The following GRID2 variants were observed in gnomAD, a reference collection of about 807,000 sequenced individuals.
GRID2 encodes the protein glutamate ionotropic receptor delta type subunit 2, also known as glutamate receptor ionotropic, delta-2.
GRID2 carries 33 observed loss-of-function variants against 114.8 expected under a neutral mutation model. The ratio of observed to expected loss-of-function variants is 0.29; its 90% CI spans 0.22 to 0.38. The LOEUF (loss-of-function observed/expected upper bound fraction) is 0.38. Among genes scored for constraint, GRID2 ranks in the 10% least tolerant of loss-of-function variants. The pLI is 1.00. For missense variants in GRID2, 1,184 were observed against 1,257.7 expected, an observed-to-expected ratio of 0.94 and a Z score of 0.89; for synonymous variants, 505 against 449.9, an observed-to-expected ratio of 1.12 and a Z score of -1.55.
intron 10 of GRID2, among the ~76,000 whole-genome samples, chr4:93,429,146 G>T (rs965003892): frequency 1.8e-4 from 27 of 152,250 alleles, no homozygotes; most frequent in Middle Eastern, 6.8e-3. Flanking sequence ...AAAGCAGACG[G>T]CTCTTCTCTT....
rs1722617060 is a variant in GRID2, at chr4:92,481,980, T to TGATA, written c.89-108150_89-108147dup. On this transcript the variant is annotated intron_variant, in intron 1 of 15. Transcript: ENST00000282020. ...CAGTGGTGGACTGGAGAATAAAATG[T>TGATA]GATATATATATATATATATATATAT... Among the ~76,000 whole-genome samples, 4 of 47,676 alleles carry TGATA rather than the reference T, an allele frequency of 8.4e-5. No homozygotes were observed. The Admixed American group carries it at 1.2e-3, about 14-fold the overall frequency. 31.3% of individuals were successfully genotyped at this position (47,676 alleles called of 152,430 possible). A position where few individuals can be genotyped will look rare whatever the true frequency, so the allele number is the denominator to read the frequency against.
intron 1 of GRID2, among the ~76,000 whole-genome samples, chr4:92,331,308 A>G (rs1038264410): frequency 2.0e-5 from 3 of 152,226 alleles, no homozygotes; most frequent in Non-Finnish European, 4.4e-5. Flanking sequence ...GTGGATAAGC[A>G]GTCTGAAATT....
At chr4:92,345,128 C>T (rs1727699841) in intron 1 of GRID2, among the ~76,000 whole-genome samples, 1 of 152,136 alleles carries the variant, frequency 6.6e-6, no homozygotes. Context: ...TAAGAGAGAA[C>T]ATGTGATGTT....
intron 14 of GRID2, among the ~76,000 whole-genome samples, chr4:93,718,841 A>C (rs549394790): frequency 1.6e-4 from 24 of 152,298 alleles, no homozygotes; most frequent in African/African-American, 5.8e-4. Context: ...TTAATCTTCC[A>C]TCCAAGAACA....
At chr4:93,703,457 G>C (rs896192981) in intron 14 of GRID2, among the ~76,000 whole-genome samples, 1 of 151,926 alleles carries the variant, frequency 6.6e-6, no homozygotes, top group Non-Finnish European at 1.5e-5. Flanking sequence ...ATCATTGACT[G>C]TAGTCACCCT....
intron 13 of GRID2, among the ~76,000 whole-genome samples, chr4:93,547,135 T>C (rs1733301818): frequency 2.6e-5 from 4 of 152,342 alleles, no homozygotes; most frequent in Admixed American, 2.0e-4. Context: ...CTTTTGCTTA[T>C]TATATACATT....
At chr4:93,073,468 C>T (rs898129631) in intron 2 of GRID2, among the ~76,000 whole-genome samples, 27 of 152,176 alleles carry the variant, frequency 1.8e-4, no homozygotes, top group Middle Eastern at 3.4e-3. Context: ...AATCTGTTCA[C>T]ATTATTAGTA....
intron 2 of GRID2, among the ~76,000 whole-genome samples, chr4:92,678,042 G>T (rs1277361029): frequency 6.6e-6 from 1 of 152,020 alleles, no homozygotes; most frequent in African/African-American, 2.4e-5. Flanking sequence ...TAGGGGCTTT[G>T]CACTCATTAT....
intron 2 of GRID2, among the ~76,000 whole-genome samples, chr4:92,920,246 C>T (rs1749195943): frequency 6.6e-6 from 1 of 152,130 alleles, no homozygotes; most frequent in Non-Finnish European, 1.5e-5. Flanking sequence ...TGTATCTCTG[C>T]ACGTGAGATA....
chr4:93,066,633 G>C (rs1355907629), intron 2 of GRID2, among the ~76,000 whole-genome samples: 2 of 151,882 alleles, frequency 1.3e-5, no homozygotes, highest in Non-Finnish European at 2.9e-5. Flanking sequence ...TCAGAATTAT[G>C]TAGAAATATT....
intron 2 of GRID2, among the ~76,000 whole-genome samples, chr4:92,759,846 T>G (rs1279986229): frequency 2.0e-5 from 3 of 151,046 alleles, no homozygotes; most frequent in Non-Finnish European, 4.4e-5. Flanking sequence ...AGGCTGGTCA[T>G]GAACTCCTGA....
intron 2 of GRID2, among the ~76,000 whole-genome samples, chr4:92,849,712 C>T (rs1409080415): frequency 6.6e-6 from 1 of 151,700 alleles, no homozygotes; most frequent in Non-Finnish European, 1.5e-5. Context: ...ATTACCAAGA[C>T]ATTATAATCT....
At chr4:93,731,621 C>G (rs1730490825) in intron 14 of GRID2, among the ~76,000 whole-genome samples, 1 of 152,164 alleles carries the variant, frequency 6.6e-6, no homozygotes. Context: ...GCCCCAGGAC[C>G]TGGGGTGAAG....
At chr4:93,712,389 A>G (rs903192007) in intron 14 of GRID2, among the ~76,000 whole-genome samples, 2 of 152,190 alleles carry the variant, frequency 1.3e-5, no homozygotes, top group African/African-American at 4.8e-5. Context: ...TTTTTAATGT[A>G]CAGATTGTAT....
At chr4:92,573,627 T>G (rs1727735191) in intron 1 of GRID2, among the ~76,000 whole-genome samples, 1 of 152,200 alleles carries the variant, frequency 6.6e-6, no homozygotes, top group Non-Finnish European at 1.5e-5. Context: ...TGGTTTTGAG[T>G]GAACTTCTGA....
At chr4:93,207,494 C>CT in intron 5 of GRID2, 37 bp downstream of exon 5, 5 of 1,270,826 alleles carry the variant, frequency 3.9e-6, no homozygotes, top group South Asian at 1.2e-5. Context: ...ACTCTGTGTC[C>CT]TTTTTTCACA....
intron 4 of GRID2, among the ~76,000 whole-genome samples, chr4:93,182,524 CTT>C (rs1698839427): frequency 6.6e-6 from 1 of 152,132 alleles, no homozygotes; most frequent in African/African-American, 2.4e-5. Context: ...TTAGATTTAA[CTT>C]TCTCTCTACT....
At chr4:93,206,094 GATA>G (rs957585226) in intron 4 of GRID2, among the ~76,000 whole-genome samples, 16 of 151,598 alleles carry the variant, frequency 1.1e-4, no homozygotes, top group Admixed American at 6.6e-5. Context: ...AATTAAAAAT[GATA>G]ATAATAATAA....
intron 7 of GRID2, among the ~76,000 whole-genome samples, chr4:93,238,016 A>T (rs1747005609): frequency 6.6e-6 from 1 of 151,832 alleles, no homozygotes; most frequent in Non-Finnish European, 1.5e-5. Context: ...CTCCAGAAGC[A>T]TCTTGTTTTC....
Sources: allele counts gnomAD v4.1 joint callset (sites outside exome capture counted in the v4.1 genomes callset), GRCh38; gene constraint gnomAD v4.1.1; transcripts MANE v1.5; gene names NCBI Gene and HGNC (gene_info 2026-07-23, HGNC 2026-07-21).